The following EGFR variants were observed in gnomAD, a reference collection of about 807,000 sequenced individuals.
The protein encoded by EGFR is epidermal growth factor receptor.
Under a neutral mutation model 143.0 loss-of-function variants are expected in EGFR, and 58 were observed. The observed-to-expected ratio is 0.41, with a 90% CI of 0.33 to 0.50. The LOEUF is 0.50. EGFR is among the 20% of genes least tolerant of loss of function. EGFR has a pLI of 0.39. For synonymous variants in EGFR, 613 were observed against 594.4 expected, an observed-to-expected ratio of 1.03 and a Z score of -0.45; for missense variants, 1,307 against 1,579.0, an observed-to-expected ratio of 0.83 and a Z score of 2.92.
chr7:55,029,571 T>C (rs1379357502), intron 1 of EGFR, among the ~76,000 whole-genome samples: 1 of 152,220 alleles, frequency 6.6e-6, no homozygotes, highest in African/African-American at 2.4e-5. Flanking sequence ...CAAATGACTG[T>C]AAAAATATAC....
At chr7:55,074,518 C>T (rs527920015) in intron 1 of EGFR, among the ~76,000 whole-genome samples, 10 of 152,252 alleles carry the variant, frequency 6.6e-5, no homozygotes, top group South Asian at 4.2e-4. Flanking sequence ...GAAAGGCCAC[C>T]GAAGTCTTTC....
At chr7:55,063,666 G>A (rs17335898) in intron 1 of EGFR, among the ~76,000 whole-genome samples, 3,218 of 152,232 alleles carry the variant, frequency 0.021, 56 homozygotes, top group Non-Finnish European at 0.027. Context: ...TAACACAAAG[G>A]ACGTCATGGG....
intron 19 of EGFR, among the ~76,000 whole-genome samples, chr7:55,177,479 G>A (rs1786650091): frequency 6.6e-6 from 1 of 152,202 alleles, no homozygotes; most frequent in Non-Finnish European, 1.5e-5. Context: ...ACACACTGCA[G>A]CCCCAGTTCC....
chr7:55,073,279 T>C (rs1251125696), intron 1 of EGFR, among the ~76,000 whole-genome samples: 2 of 152,230 alleles, frequency 1.3e-5, no homozygotes, highest in Non-Finnish European at 2.9e-5. Context: ...CACGCTGCCT[T>C]GCACAAGTTA....
chr7:55,157,019 C>A, intron 10 of EGFR, 187 bp downstream of exon 10: 1 of 1,414,844 alleles, frequency 7.1e-7, no homozygotes. Flanking sequence ...ACGTTAAGTC[C>A]AGGCTTGGGT....
chr7:55,039,033 G>T (rs1447530843), intron 1 of EGFR, among the ~76,000 whole-genome samples: 2 of 151,652 alleles, frequency 1.3e-5, no homozygotes, highest in Non-Finnish European at 2.9e-5. Context: ...GTCTGTGGAT[G>T]AAATTTGTAT....
rs1244215750 is a variant in EGFR, at chr7:55,046,875, T to C, written c.88+27510T>C. Among the ~76,000 whole-genome samples, 6 of 152,212 alleles carry C rather than the reference T, an allele frequency of 3.9e-5. No homozygotes were observed. In the South Asian group the frequency reaches 1.2e-3, roughly 32 times the overall value. On this transcript the variant is annotated intron_variant, in intron 1 of 27. Transcript: ENST00000275493. ...CAGACCACAGCAGGGGAAAGCAGGGTACTTGCTGCTTTGCAAGTGTGTCCA... is the reference window on the plus strand; with the variant it reads ...CAGACCACAGCAGGGGAAAGCAGGGCACTTGCTGCTTTGCAAGTGTGTCCA...
At chr7:55,024,357 G>T (rs894127387) in intron 1 of EGFR, among the ~76,000 whole-genome samples, 1 of 152,204 alleles carries the variant, frequency 6.6e-6, no homozygotes, top group Admixed American at 6.5e-5. Context: ...AAGCAGTATG[G>T]AAACACTAAC....
At chr7:55,112,183 G>A (rs1792542131) in intron 1 of EGFR, among the ~76,000 whole-genome samples, 1 of 152,240 alleles carries the variant, frequency 6.6e-6, no homozygotes, top group Admixed American at 6.5e-5. Flanking sequence ...TCTGCAGTCG[G>A]CGTCTCACCC....
intron 1 of EGFR, among the ~76,000 whole-genome samples, chr7:55,075,874 G>T (rs1790108046): frequency 6.6e-6 from 1 of 152,104 alleles, no homozygotes; most frequent in South Asian, 2.1e-4. Flanking sequence ...CATTAAATTA[G>T]ATGGGCTGGC....
intron 3 of EGFR, among the ~76,000 whole-genome samples, chr7:55,145,601 C>T (rs894168459): frequency 2.0e-5 from 3 of 152,220 alleles, no homozygotes; most frequent in Non-Finnish European, 4.4e-5. Context: ...GGGTGAATCC[C>T]TCCTTTCCCA....
chr7:55,197,553 G>A (rs1011532598), intron 22 of EGFR, among the ~76,000 whole-genome samples: 5 of 152,180 alleles, frequency 3.3e-5, no homozygotes, highest in Admixed American at 6.5e-5. Context: ...ATGTTAAATA[G>A]GAGTGTTGAG....
intron 19 of EGFR, chr7:55,180,848 T>C: frequency 4.3e-6 from 1 of 231,018 alleles, no homozygotes; most frequent in Admixed American, 5.2e-5. Flanking sequence ...GCGTTCCTGA[T>C]GTGCAGGGTC....
chr7:55,185,772 G>C (rs1234674814), intron 20 of EGFR, among the ~76,000 whole-genome samples: 2 of 152,168 alleles, frequency 1.3e-5, no homozygotes, highest in Non-Finnish European at 2.9e-5. Context: ...AATGAAACTG[G>C]CTTACACATG....
At chr7:55,024,739 T>C (rs1786782817) in intron 1 of EGFR, among the ~76,000 whole-genome samples, 2 of 152,198 alleles carry the variant, frequency 1.3e-5, no homozygotes, top group African/African-American at 4.8e-5. Context: ...TGCATCCATA[T>C]GTTGAGATGT....
rs543504745 is a variant in EGFR at position 55,172,780 on chromosome 7, G to A, written c.1920-203G>A. On this transcript the variant is annotated intron_variant, in intron 16 of 27. Transcript: ENST00000275493. ...AAAATGAGGAAAAGTGTGCCTGGTA[G>A]GGGACTGGGGAGAGCTTGAGAAAGT... 355 of 1,461,104 alleles carry A rather than the reference G, an allele frequency of 2.4e-4. 1 individual carries two copies. In the African/African-American group the frequency reaches 4.3e-3, roughly 18 times the overall value. 90.5% of individuals were successfully genotyped at this position (1,461,104 alleles called of 1,614,324 possible). A position where few individuals can be genotyped will look rare whatever the true frequency, so the allele number is the denominator to read the frequency against.
intron 1 of EGFR, among the ~76,000 whole-genome samples, chr7:55,140,659 G>A (rs78937276): frequency 0.023 from 3,559 of 152,250 alleles, 159 homozygotes; most frequent in African/African-American, 0.082. Flanking sequence ...ATACTCCTGA[G>A]GAAAAGCAGA....
At position 55,208,084 on chromosome 7, in the gene EGFR, T is replaced by C. The variant is rs1788153641; in HGVS notation, c.*2467T>C. ...CTTAATAAAAGAGCAAAAGCTATTC[T>C]AGCTTTCTTCTTCATATTTTAATTT... On this transcript the variant is annotated 3_prime_UTR_variant, in exon 28 of 28. Transcript: ENST00000275493. The C allele has an allele frequency of 6.6e-6, 1 of 152,142 alleles. No individual in the cohort carries two copies. Among genetic ancestry groups the C allele is most frequent in the African/African-American group, 2.4e-5 (1 of 41,380 alleles). The allele number at this position is 152,142 out of a possible 1,614,324, so 9.4% of individuals were successfully genotyped here.
chr7:55,180,767 C>CTG, intron 19 of EGFR: 1 of 175,778 alleles, frequency 5.7e-6, no homozygotes, highest in East Asian at 1.5e-4. Context: ...GAAGGGAGGC[C>CTG]TTTCTCCCTG....
Sources: gnomAD v4.1 joint callset for allele counts (sites outside exome capture counted in the v4.1 genomes callset) on GRCh38, gnomAD v4.1.1 for gene constraint, MANE v1.5 for transcripts, NCBI Gene and HGNC (gene_info 2026-07-23, HGNC 2026-07-21) for gene names.